B3GALT1: variants seen among roughly 807,000 people sequenced by gnomAD.
B3GALT1 encodes the protein beta-1,3-galactosyltransferase 1, also known as UDP-Gal:betaGlcNAc beta 1,3-galactosyltransferase, polypeptide 1.
A neutral mutation model predicts 23.2 loss-of-function variants in B3GALT1; 10 were observed. The observed-to-expected ratio is 0.43, with a 90% confidence interval of 0.27 to 0.73. The LOEUF is 0.73. Ranked by LOEUF, B3GALT1 falls within the 30% of genes least tolerant of loss-of-function variation. The pLI, the probability that B3GALT1 is intolerant of heterozygous loss-of-function variation, is 0.21. For missense variants in B3GALT1, 299 were observed against 405.4 expected (o/e 0.74, Z 2.25); for synonymous variants, 156 against 141.5 (o/e 1.10, Z -0.73).
chr2:167,680,291 A>T (rs917731598), intron 3 of B3GALT1, among the ~76,000 whole-genome samples: 1 of 152,194 alleles, frequency 6.6e-6, no homozygotes, highest in African/African-American at 2.4e-5. Flanking sequence ...GGACAGGGGG[A>T]TTTGTTTCTA....
At chr2:167,635,623 A>G (rs1342957115) in intron 2 of B3GALT1, among the ~76,000 whole-genome samples, 2 of 10,808 alleles carry the variant, frequency 1.9e-4, no homozygotes, top group African/African-American at 2.4e-4. Context: ...AGTACCTAAG[A>G]ATACAACTTA....
At chr2:167,525,206 C>A (rs1683200003) in intron 2 of B3GALT1, among the ~76,000 whole-genome samples, 1 of 152,098 alleles carries the variant, frequency 6.6e-6, no homozygotes, top group Non-Finnish European at 1.5e-5. Context: ...CCTGAACAAC[C>A]CAGTGTATTT....
chr2:167,485,706 T>A (rs16853634), intron 1 of B3GALT1, among the ~76,000 whole-genome samples: 3,725 of 152,310 alleles, frequency 0.024, 120 homozygotes, highest in East Asian at 0.11. Context: ...TGAATTAATC[T>A]AAACTATGCA....
At chr2:167,601,816 G>A (rs1230668576) in intron 2 of B3GALT1, among the ~76,000 whole-genome samples, 1 of 152,168 alleles carries the variant, frequency 6.6e-6, no homozygotes, top group East Asian at 1.9e-4. Context: ...ATGTGATTGT[G>A]TCAACCCTTC....
intron 1 of B3GALT1, among the ~76,000 whole-genome samples, chr2:167,430,677 A>G (rs1698692899): frequency 6.6e-6 from 1 of 152,178 alleles, no homozygotes; most frequent in South Asian, 2.1e-4. Flanking sequence ...GTTTGAGCAA[A>G]TAGAAGAATG....
At chr2:167,387,355 T>C (rs34697161) in intron 1 of B3GALT1, among the ~76,000 whole-genome samples, 5,611 of 152,318 alleles carry the variant, frequency 0.037, 163 homozygotes, top group Middle Eastern at 0.054. Flanking sequence ...AGTAGAGTCA[T>C]ATAATGAAGC....
At chr2:167,837,289 C>T (rs1375554899) in intron 4 of B3GALT1, among the ~76,000 whole-genome samples, 4 of 152,104 alleles carry the variant, frequency 2.6e-5, no homozygotes, top group East Asian at 1.9e-4. Flanking sequence ...ACCCATCTCA[C>T]GTGCAGAGAC....
chr2:167,345,181 C>T (rs551924662), intron 1 of B3GALT1, among the ~76,000 whole-genome samples: 1 of 151,990 alleles, frequency 6.6e-6, no homozygotes, highest in Admixed American at 6.5e-5. Context: ...TCCTTACAAG[C>T]ATCTCTCAGA....
intron 1 of B3GALT1, among the ~76,000 whole-genome samples, chr2:167,324,078 A>G (rs1376258815): frequency 6.6e-6 from 1 of 152,008 alleles, no homozygotes; most frequent in Non-Finnish European, 1.5e-5. Context: ...TGATTGATGA[A>G]TGGTGCTTGA....
chr2:167,514,203 G>A (rs368570486), intron 2 of B3GALT1, among the ~76,000 whole-genome samples: 13 of 152,124 alleles, frequency 8.5e-5, no homozygotes, highest in African/African-American at 2.6e-4. Flanking sequence ...CACCACACCC[G>A]GCCCCATGTG....
chr2:167,457,449 A>G (rs927361478), intron 1 of B3GALT1, among the ~76,000 whole-genome samples: 7 of 151,976 alleles, frequency 4.6e-5, no homozygotes, highest in African/African-American at 1.7e-4. Context: ...CCGGGATTAT[A>G]GACGTGAGCC....
intron 2 of B3GALT1, among the ~76,000 whole-genome samples, chr2:167,544,351 G>A (rs1683589802): frequency 6.6e-6 from 1 of 152,186 alleles, no homozygotes; most frequent in South Asian, 2.1e-4. Flanking sequence ...CCGGAGTGCA[G>A]TGGCATGATC....
intron 2 of B3GALT1, among the ~76,000 whole-genome samples, chr2:167,563,428 T>C (rs62196690): frequency 6.7e-4 from 58 of 86,770 alleles, no homozygotes; most frequent in Non-Finnish European, 9.9e-4. Flanking sequence ...TCCACCTCCC[T>C]CCCGGACAGG....
intron 1 of B3GALT1, among the ~76,000 whole-genome samples, chr2:167,445,906 A>G (rs1039152332): frequency 2.0e-5 from 3 of 152,262 alleles, no homozygotes; most frequent in African/African-American, 7.2e-5. Context: ...TCCTGTCATT[A>G]TGATGTTAGC....
chr2:167,690,308 A>G lies in B3GALT1; in HGVS notation c.-352+43342A>G, dbSNP rs544239285. On this transcript the variant is annotated intron_variant, in intron 3 of 4. Transcript: ENST00000392690. ...CTATAAAATATAAATGCTAAGCATA[A>G]CTTAACATTCCAATGAAAATAATTA... is the stretch of plus-strand genomic sequence containing the variant. 5.3e-5 allele frequency among the ~76,000 whole-genome samples: 8 copies of G among 152,226 alleles called. No homozygotes were observed. In the East Asian group the frequency reaches 1.5e-3, roughly 29 times the overall value.
At chr2:167,512,580 GTATATATATATGTGTA>G (rs1233477590) in intron 2 of B3GALT1, among the ~76,000 whole-genome samples, 4 of 47,044 alleles carry the variant, frequency 8.5e-5, no homozygotes, top group African/African-American at 8.5e-5. Flanking sequence ...ATATATATAT[GTATATATATATGTGTA>G]TATATATATA....
intron 1 of B3GALT1, among the ~76,000 whole-genome samples, chr2:167,460,996 A>G (rs1422720526): frequency 6.6e-6 from 1 of 152,144 alleles, no homozygotes; most frequent in Non-Finnish European, 1.5e-5. Flanking sequence ...ACTTAAGGGG[A>G]GGAAGGTCAG....
At chr2:167,758,095 T>C (rs1027548483) in intron 3 of B3GALT1, among the ~76,000 whole-genome samples, 18 of 152,214 alleles carry the variant, frequency 1.2e-4, no homozygotes, top group Non-Finnish European at 7.3e-5. Flanking sequence ...AATAGGTTTT[T>C]GGTTTTTTTA....
chr2:167,507,482 G>A (rs1367475793), intron 2 of B3GALT1, among the ~76,000 whole-genome samples: 1 of 124,106 alleles, frequency 8.1e-6, no homozygotes, highest in Non-Finnish European at 1.6e-5. Context: ...CTCCAGCCTG[G>A]AGACAGAGGA....
Sources: gnomAD v4.1 joint callset for allele counts (sites outside exome capture counted in the v4.1 genomes callset) on GRCh38, gnomAD v4.1.1 for gene constraint, MANE v1.5 for transcripts, NCBI Gene and HGNC (gene_info 2026-07-23, HGNC 2026-07-21) for gene names.